The following AK7 variants were observed in gnomAD, a reference collection of about 807,000 sequenced individuals.
AK7 encodes the protein ATP-AMP transphosphorylase 7.
A neutral mutation model predicts 96.6 loss-of-function variants in AK7; 78 were observed. The ratio of observed to expected loss-of-function variants is 0.81; its 90% CI spans 0.67 to 0.97. The LOEUF (loss-of-function observed/expected upper bound fraction) is 0.97, where lower values mean the gene tolerates loss of function less well. AK7 is among the 50% of genes least tolerant of loss of function. The probability of loss-of-function intolerance (pLI) is 0.00; values close to 1 mark genes in which losing one functional copy is unlikely to be tolerated. For missense variants in AK7, 855 were observed against 887.9 expected (o/e 0.96, Z 0.47); for synonymous variants, 302 against 317.2 (o/e 0.95, Z 0.51).
chr14:96,446,674 C>T, intron 8 of AK7, 67 bp downstream of exon 8: 8 of 1,421,164 alleles, frequency 5.6e-6, no homozygotes, highest in Non-Finnish European at 6.9e-6. Context: ...GGCGCGGTGG[C>T]TCATGCCTGT....
intron 2 of AK7, among the ~76,000 whole-genome samples, chr14:96,404,171 A>AAAAAC (rs1566760187): frequency 2.7e-5 from 4 of 147,310 alleles, no homozygotes; most frequent in Non-Finnish European, 6.0e-5. Context: ...AAAAAAAAAA[A>AAAAAC]AACACCAAAA....
intron 14 of AK7, among the ~76,000 whole-genome samples, chr14:96,473,661 A>G (rs1046048512): frequency 5.3e-5 from 8 of 152,124 alleles, no homozygotes; most frequent in African/African-American, 1.9e-4. Flanking sequence ...ACGGATAAAC[A>G]TGAGGAATAT....
intron 10 of AK7, among the ~76,000 whole-genome samples, chr14:96,452,934 C>G (rs539520363): frequency 1.3e-5 from 2 of 152,256 alleles, no homozygotes; most frequent in East Asian, 1.9e-4. Context: ...TTGGATTTAT[C>G]CCAGGGAAAC....
intron 16 of AK7, among the ~76,000 whole-genome samples, chr14:96,485,130 C>T (rs985410311): frequency 2.0e-5 from 3 of 152,208 alleles, no homozygotes; most frequent in Admixed American, 1.3e-4. Flanking sequence ...TTCCCTACAC[C>T]TTCTCTAAAC....
Position 96,415,246 on chromosome 14 carries a change from G to A in AK7, c.499-5576G>A, listed in dbSNP as rs150084356. 1.5e-3 allele frequency among the ~76,000 whole-genome samples: 229 copies of A among 152,042 alleles called. 3 individuals carry two copies. The East Asian group carries it at 0.041, about 27-fold the overall frequency. ...AAGGTGGGAGGATCACTTGAGCCCA[G>A]GAGTTCAAGACCAGCCTGAGCAACA... On this transcript the variant is annotated intron_variant, in intron 4 of 17. Transcript: ENST00000267584.
chr14:96,466,131 A>C (rs904131312), intron 12 of AK7, among the ~76,000 whole-genome samples: 1 of 150,740 alleles, frequency 6.6e-6, no homozygotes, highest in Admixed American at 6.6e-5. Flanking sequence ...GCAGTGGTGC[A>C]CATAGCTCAC....
chr14:96,467,790 G>A (rs926999639), intron 12 of AK7, among the ~76,000 whole-genome samples: 2 of 152,050 alleles, frequency 1.3e-5, no homozygotes, highest in Non-Finnish European at 2.9e-5. Context: ...ATTGCCTGGT[G>A]AACTGAGTAA....
In AK7 at chr14:96,409,591, A is replaced by G. The variant is rs142716744; in HGVS notation, c.498+650A>G. Among the ~76,000 whole-genome samples the G allele has an allele frequency of 2.1e-4, 32 of 152,332 alleles. No individual in the cohort carries two copies. In the East Asian group the frequency reaches 5.0e-3, roughly 24 times the overall value. ...CATCTCTAAATAAATAAAGGAAGAA[A>G]AAGAAAATATAAGTAAAATATAGTG... On this transcript the variant is annotated intron_variant, in intron 4 of 17. Coordinates refer to ENST00000267584, the MANE Select transcript of AK7 (RefSeq NM_152327.5).
At chr14:96,395,834 A>G (rs1208203706) in intron 1 of AK7, among the ~76,000 whole-genome samples, 3 of 72,962 alleles carry the variant, frequency 4.1e-5, no homozygotes, top group Non-Finnish European at 4.9e-5. Context: ...TTTTTTTGAG[A>G]CAGAGTCTTG....
chr14:96,425,015 T>C (rs1891941165), intron 5 of AK7, among the ~76,000 whole-genome samples: 1 of 152,224 alleles, frequency 6.6e-6, no homozygotes, highest in Non-Finnish European at 1.5e-5. Context: ...AATTTCGTTG[T>C]AAAAATCTAT....
rs573244932 is a variant in AK7 at position 96,478,549 on chromosome 14, A to G, written c.1640A>G (p.His547Arg). The change falls in exon 15 of 18, where the codon CAC becomes CGC. Residue 547 changes from histidine to arginine, a missense_variant. Transcript: ENST00000267584. Reference sequence around the variant, plus strand: ...CCTGAGAGCATCGTGGCGGGGACCCACTACAGCCAAGACCGATTCCTCCGG... The same window carrying G: ...CCTGAGAGCATCGTGGCGGGGACCCGCTACAGCCAAGACCGATTCCTCCGG... ...NLPESIVAGT[H>R]YSQDRFLRAL... The G allele has an allele frequency of 3.1e-6, 5 of 1,614,184 alleles. No individual in the cohort carries two copies. The highest frequency in any genetic ancestry group is 2.2e-5 in the East Asian group (1 of 44,890).
intron 1 of AK7, among the ~76,000 whole-genome samples, chr14:96,396,451 G>C (rs919368525): frequency 6.6e-6 from 1 of 152,118 alleles, no homozygotes; most frequent in African/African-American, 2.4e-5. Flanking sequence ...TGTGAAAGAG[G>C]ATAATAAAAT....
rs367856999 is a variant in AK7 at position 96,437,777 on chromosome 14, G to A, written c.610-58G>A. 630 of 1,326,898 alleles carry A rather than the reference G, an allele frequency of 4.7e-4. 6 individuals carry two copies. The South Asian group carries it at 6.3e-3, about 13-fold the overall frequency. 82.2% of individuals were successfully genotyped at this position (1,326,898 alleles called of 1,614,324 possible). A position where few individuals can be genotyped will look rare whatever the true frequency, so the allele number is the denominator to read the frequency against. Reference sequence around the variant, plus strand: ...TCATTTTAACTACTAAAATAATCTGGTTCAGTATGACTAATAATATTACAT... The same window carrying A: ...TCATTTTAACTACTAAAATAATCTGATTCAGTATGACTAATAATATTACAT... On this transcript the variant is annotated intron_variant, in intron 5 of 17. Transcript: ENST00000267584.
intron 2 of AK7, among the ~76,000 whole-genome samples, chr14:96,402,185 GCACACACACA>G (rs34222287): frequency 9.6e-5 from 14 of 146,264 alleles, no homozygotes; most frequent in African/African-American, 2.3e-4. Context: ...ATACACAGAT[GCACACACACA>G]CACACACACA....
intron 15 of AK7, 130 bp downstream of exon 15, chr14:96,478,792 T>C: frequency 1.2e-6 from 1 of 862,214 alleles, no homozygotes; most frequent in Non-Finnish European, 1.8e-6. Flanking sequence ...CAGGAAGCCA[T>C]GAAATACACA....
At chr14:96,449,129 C>T (rs1048187934) in intron 8 of AK7, among the ~76,000 whole-genome samples, 11 of 152,238 alleles carry the variant, frequency 7.2e-5, no homozygotes, top group African/African-American at 2.4e-4. Flanking sequence ...TTCTTGAGGG[C>T]TCTACCCTCA....
chr14:96,449,697 G>GT, intron 8 of AK7, 105 bp from the exon 9 acceptor site: 1 of 786,810 alleles, frequency 1.3e-6, no homozygotes, highest in Non-Finnish European at 2.1e-6. Flanking sequence ...GCCTCCCAAA[G>GT]TGCTGGGATT....
chr14:96,434,181 GT>G (rs1282888668), intron 5 of AK7, among the ~76,000 whole-genome samples: 3 of 152,214 alleles, frequency 2.0e-5, no homozygotes, highest in Non-Finnish European at 4.4e-5. Context: ...GTCTGGGCTT[GT>G]TTGTACCTGT....
intron 8 of AK7, among the ~76,000 whole-genome samples, chr14:96,448,488 G>A (rs569635161): frequency 9.9e-5 from 15 of 151,814 alleles, no homozygotes; most frequent in African/African-American, 2.4e-4. Flanking sequence ...AAATTAGCCA[G>A]GCTTGGTGGT....
Sources: allele counts gnomAD v4.1 joint callset (sites outside exome capture counted in the v4.1 genomes callset), GRCh38; gene constraint gnomAD v4.1.1; transcripts MANE v1.5; gene names NCBI Gene and HGNC (gene_info 2026-07-23, HGNC 2026-07-21).